Variants in LMNB1 observed in about 807,000 individuals in gnomAD.
LMNB1 encodes the protein lamin B1.
In LMNB1, 23 loss-of-function variants were observed where a neutral mutation model predicts 67.1. That is an observed-to-expected ratio of 0.34 (90% CI 0.25 to 0.49). The LOEUF (loss-of-function observed/expected upper bound fraction) is 0.49, where lower values mean the gene tolerates loss of function less well. Among genes scored for constraint, LMNB1 ranks in the 20% least tolerant of loss-of-function variants. The pLI, the probability that LMNB1 is intolerant of heterozygous loss-of-function variation, is 0.99. For synonymous variants in LMNB1, 281 were observed against 282.9 expected (o/e 0.99, Z 0.07); for missense variants, 634 against 746.5 (o/e 0.85, Z 1.76).
chr5:126,796,149 G>C lies in LMNB1; in HGVS notation c.360-8627G>C, dbSNP rs1055906646. Among the ~76,000 whole-genome samples, 41 of 151,026 alleles carry C rather than the reference G, an allele frequency of 2.7e-4. 1 individual carries two copies. The highest frequency in any genetic ancestry group is 3.4e-3 in the Middle Eastern group (1 of 292). ...GTTTCTCTGTGTTGAGGCTGGTCTC[G>C]AGCTCTTGACCTCAGGTGATCCGCC... On this transcript the variant is annotated intron_variant, in intron 1 of 10. Coordinates refer to ENST00000261366, the MANE Select transcript of LMNB1 (RefSeq NM_005573.4).
chr5:126,793,877 C>T (rs1189166268), intron 1 of LMNB1, among the ~76,000 whole-genome samples: 2 of 145,744 alleles, frequency 1.4e-5, no homozygotes, highest in Non-Finnish European at 3.1e-5. Flanking sequence ...ACTCCATCTC[C>T]AAAAAGAAAG....
At chr5:126,799,444 T>C (rs1751208045) in intron 1 of LMNB1, among the ~76,000 whole-genome samples, 1 of 152,250 alleles carries the variant, frequency 6.6e-6, no homozygotes, top group Non-Finnish European at 1.5e-5. Context: ...CTGTCTGCCC[T>C]GAGCTCCCAG....
intron 1 of LMNB1, among the ~76,000 whole-genome samples, chr5:126,780,489 T>A (rs550667221): frequency 6.6e-6 from 1 of 152,206 alleles, no homozygotes; most frequent in Non-Finnish European, 1.5e-5. Flanking sequence ...GCATGCTGGT[T>A]TCAGCGGGGT....
intron 1 of LMNB1, 109 bp downstream of exon 1, chr5:126,777,976 C>G (rs1457762398): frequency 1.0e-6 from 1 of 999,680 alleles, no homozygotes; most frequent in Non-Finnish European, 1.4e-6. Context: ...CCAGGATGCA[C>G]GCGTCCTTCT....
In LMNB1 at chr5:126,778,224, G is replaced by T. The variant is rs921465252; in HGVS notation, c.359+357G>T. 9.0e-4 allele frequency among the ~76,000 whole-genome samples: 137 copies of T among 152,034 alleles called. 1 individual carries two copies. Among genetic ancestry groups the T allele is most frequent in the African/African-American group, 2.9e-3 (122 of 41,496 alleles). Reference sequence around the variant, plus strand: ...AGGCGGCCCCTCAGGCCCCAGGTGCGGGGAGCTGGAGCGCGAGCGCGCGCT... The same window carrying T: ...AGGCGGCCCCTCAGGCCCCAGGTGCTGGGAGCTGGAGCGCGAGCGCGCGCT... On this transcript the variant is annotated intron_variant, in intron 1 of 10. Coordinates refer to ENST00000261366, the MANE Select transcript of LMNB1 (RefSeq NM_005573.4).
chr5:126,787,547 T>TA (rs869071732), intron 1 of LMNB1, among the ~76,000 whole-genome samples: 5,092 of 35,454 alleles, frequency 0.14, 142 homozygotes, highest in East Asian at 0.26. Flanking sequence ...TATATATATA[T>TA]TTTTTTTTTT....
chr5:126,821,945 G>A (rs1412381523), intron 7 of LMNB1, among the ~76,000 whole-genome samples: 1 of 151,920 alleles, frequency 6.6e-6, no homozygotes, highest in Non-Finnish European at 1.5e-5. Flanking sequence ...TTGGATGAGT[G>A]AAGGAGCACT....
At chr5:126,799,648 T>A (rs1035037227) in intron 1 of LMNB1, among the ~76,000 whole-genome samples, 4 of 152,202 alleles carry the variant, frequency 2.6e-5, no homozygotes, top group African/African-American at 7.2e-5. Context: ...CCCTGTCTTA[T>A]TTATTTATCT....
intron 1 of LMNB1, among the ~76,000 whole-genome samples, chr5:126,787,808 C>T (rs910202721): frequency 2.0e-4 from 30 of 151,760 alleles, no homozygotes; most frequent in African/African-American, 7.3e-4. Flanking sequence ...ACCTCGGCCT[C>T]CCAAAGTGCT....
At chr5:126,784,110 C>T (rs535646771) in intron 1 of LMNB1, among the ~76,000 whole-genome samples, 85 of 148,096 alleles carry the variant, frequency 5.7e-4, no homozygotes, top group Non-Finnish European at 1.1e-3. Context: ...CTGCAACCTC[C>T]GCCTCCCGGG....
intron 4 of LMNB1, 129 bp from the exon 5 acceptor site, chr5:126,811,644 G>T: frequency 1.4e-6 from 1 of 737,250 alleles, no homozygotes. Context: ...CAAACTTCAT[G>T]ATGCTTTTCC....
At chr5:126,779,539 ACAT>A (rs1321080562) in intron 1 of LMNB1, among the ~76,000 whole-genome samples, 1 of 152,204 alleles carries the variant, frequency 6.6e-6, no homozygotes, top group Non-Finnish European at 1.5e-5. Flanking sequence ...GAAAATAAAA[ACAT>A]CAGGACCAAC....
intron 1 of LMNB1, among the ~76,000 whole-genome samples, chr5:126,788,521 C>T (rs2112930189): frequency 6.6e-6 from 1 of 152,248 alleles, no homozygotes; most frequent in Non-Finnish European, 1.5e-5. Flanking sequence ...CCTTTAATCT[C>T]AACTACTGTG....
chr5:126,777,526 C>T lies in LMNB1; in HGVS notation c.18C>T (p.Pro6=), dbSNP rs777808428. 5 of 1,388,914 alleles carry T rather than the reference C, an allele frequency of 3.6e-6. No individual in the cohort carries two copies. In the Admixed American group the frequency reaches 1.4e-4, roughly 38 times the overall value. The allele number at this position is 1,388,914 out of a possible 1,614,324, so 86.0% of individuals were successfully genotyped here. Residue 6 remains proline (P), a synonymous_variant, in exon 1 of 11, where the codon CCC becomes CCT. Transcript: ENST00000261366. MATAT[P]VPPRMGSRAG... ...CGCCCGCCATGGCGACTGCGACCCC[C>T]GTGCCGCCGCGGATGGGCAGCCGCG... is the stretch of plus-strand genomic sequence containing the variant.
chr5:126,827,604 G>A (rs887339047), intron 9 of LMNB1, among the ~76,000 whole-genome samples: 6 of 152,156 alleles, frequency 3.9e-5, no homozygotes, highest in African/African-American at 1.4e-4. Flanking sequence ...CTGAGATTGC[G>A]CCATTGCACT....
At chr5:126,812,606 T>C (rs1421770442) in intron 5 of LMNB1, among the ~76,000 whole-genome samples, 1 of 152,192 alleles carries the variant, frequency 6.6e-6, no homozygotes, top group African/African-American at 2.4e-5. Flanking sequence ...TTCAGAATGA[T>C]TCAGCAATTA....
chr5:126,813,519 G>C (rs1561748389), intron 5 of LMNB1, among the ~76,000 whole-genome samples: 1 of 152,106 alleles, frequency 6.6e-6, no homozygotes, highest in Non-Finnish European at 1.5e-5. Flanking sequence ...TAGTCCTTTT[G>C]GGCTGCTATA....
Position 126,836,225 on chromosome 5 carries a change from A to G in LMNB1, c.1722A>G (p.Gly574=), listed in dbSNP as rs1299533981. 1 of 1,608,208 alleles carries G rather than the reference A, an allele frequency of 6.2e-7. No individual in the cohort carries two copies. The highest frequency in any genetic ancestry group is 8.5e-7 in the Non-Finnish European group (1 of 1,175,308). Residue 574 remains glycine, a splice_region_variant and synonymous_variant, in exon 11 of 11, where the codon GGA becomes GGG. Transcript: ENST00000261366. ...VVEEELFHQQ[G]TPRASNRSCA... ...TTTCCTTCTGTTTTCCTCATCAGGG[A>G]ACCCCAAGAGCATCCAATAGAAGCT...
intron 1 of LMNB1, among the ~76,000 whole-genome samples, chr5:126,786,381 A>G (rs935732349): frequency 1.3e-5 from 2 of 152,104 alleles, no homozygotes; most frequent in African/African-American, 2.4e-5. Context: ...TTGGCCTCCC[A>G]GAGTGCTGGG....
Sources: allele counts gnomAD v4.1 joint callset (sites outside exome capture counted in the v4.1 genomes callset), GRCh38; gene constraint gnomAD v4.1.1; transcripts MANE v1.5; gene names NCBI Gene and HGNC (gene_info 2026-07-23, HGNC 2026-07-21).